Variants in CSMD3 observed in about 807,000 individuals in gnomAD.
The protein encoded by CSMD3 is CUB and sushi domain-containing protein 3.
Under a neutral mutation model 435.2 loss-of-function variants are expected in CSMD3, and 177 were observed. The ratio of observed to expected loss-of-function variants is 0.41; its 90% CI spans 0.36 to 0.46. The LOEUF (loss-of-function observed/expected upper bound fraction) is 0.46, where lower values mean the gene tolerates loss of function less well. Ranked by LOEUF, CSMD3 falls within the 20% of genes least tolerant of loss-of-function variation. CSMD3 has a pLI of 0.34. For missense variants in CSMD3, 4,265 were observed against 4,504.6 expected (o/e 0.95, Z 1.52); for synonymous variants, 1,656 against 1,520.5 (o/e 1.09, Z -2.07).
chr8:113,196,551 A>G (rs1453589659), intron 3 of CSMD3, among the ~76,000 whole-genome samples: 1 of 151,284 alleles, frequency 6.6e-6, no homozygotes, highest in African/African-American at 2.4e-5. Context: ...CACTTTCACA[A>G]AAGTTAAAGA....
At chr8:112,574,306 G>A (rs988073780) in intron 23 of CSMD3, among the ~76,000 whole-genome samples, 2 of 151,806 alleles carry the variant, frequency 1.3e-5, no homozygotes, top group African/African-American at 2.4e-5. Context: ...CATCTCTTCA[G>A]GTCAGTAATA....
intron 38 of CSMD3, among the ~76,000 whole-genome samples, chr8:112,356,226 T>A (rs1445371983): frequency 2.0e-5 from 3 of 152,134 alleles, no homozygotes; most frequent in African/African-American, 7.2e-5. Context: ...ACACATGCAC[T>A]CGTATGTTTA....
chr8:113,310,779 A>T (rs527757934), intron 2 of CSMD3: 144 of 151,980 alleles, frequency 9.5e-4, no homozygotes, highest in African/African-American at 3.3e-3. Flanking sequence ...TTCTACCAAG[A>T]ACCAATCTAA....
intron 4 of CSMD3, among the ~76,000 whole-genome samples, chr8:113,142,985 T>C (rs1340351622): frequency 6.6e-6 from 1 of 150,562 alleles, no homozygotes; most frequent in African/African-American, 2.4e-5. Context: ...ATCTTCAAAA[T>C]GAGTCACTGA....
chr8:112,244,190 C>T (rs182339187), intron 65 of CSMD3, among the ~76,000 whole-genome samples: 1 of 152,212 alleles, frequency 6.6e-6, no homozygotes, highest in Non-Finnish European at 1.5e-5. Context: ...CAAGAAGTAA[C>T]ATTCTCATGG....
chr8:112,689,833 A>T, intron 14 of CSMD3, 35 bp downstream of exon 14: 1 of 1,577,390 alleles, frequency 6.3e-7, no homozygotes, highest in South Asian at 1.1e-5. Flanking sequence ...ACAGGGTAAC[A>T]TATGCTATCT....
intron 14 of CSMD3, among the ~76,000 whole-genome samples, chr8:112,686,032 T>C (rs527523614): frequency 6.6e-6 from 1 of 152,256 alleles, no homozygotes; most frequent in South Asian, 2.1e-4. Flanking sequence ...TTTCAGTGTT[T>C]AAAAAGTGAA....
rs536479171 is a variant in CSMD3 at position 113,136,079 on chromosome 8, T to C, written c.710-37116A>G. Among the ~76,000 whole-genome samples, 26 of 151,908 alleles carry C rather than the reference T, an allele frequency of 1.7e-4. No homozygotes were observed. In the South Asian group the frequency reaches 5.4e-3, roughly 32 times the overall value. On this transcript the variant is annotated intron_variant, in intron 4 of 70. Transcript: ENST00000297405. ...AGTATGGGAGAAAGACATTTGACCA[T>C]ATTACGTATCATATAAGCACTGTGA... is the stretch of plus-strand genomic sequence containing the variant.
At chr8:112,557,112 G>A (rs760811073) in intron 24 of CSMD3, among the ~76,000 whole-genome samples, 158 bp from the exon 25 acceptor site, 1 of 151,732 alleles carries the variant, frequency 6.6e-6, no homozygotes. Flanking sequence ...CAACAACCAT[G>A]CAGACCTTTT....
intron 13 of CSMD3, among the ~76,000 whole-genome samples, chr8:112,734,552 C>T (rs954994213): frequency 6.6e-5 from 10 of 151,848 alleles, no homozygotes; most frequent in South Asian, 2.1e-4. Context: ...AATGATATAA[C>T]ATTAGTTCTT....
chr8:112,287,030 A>G, intron 58 of CSMD3, 34 bp downstream of exon 58: 1 of 1,543,090 alleles, frequency 6.5e-7, no homozygotes, highest in Non-Finnish European at 9.0e-7. Flanking sequence ...AAAATCCAGT[A>G]GTTGCAATAT....
At chr8:113,376,997 G>A in intron 1 of CSMD3, 5 of 1,135,122 alleles carry the variant, frequency 4.4e-6, no homozygotes, top group Non-Finnish European at 3.6e-6. Context: ...AGCCGGGCCC[G>A]CAGCCACATC....
chr8:112,660,969 T>C (rs979230445), intron 17 of CSMD3, among the ~76,000 whole-genome samples: 1 of 152,092 alleles, frequency 6.6e-6, no homozygotes, highest in African/African-American at 2.4e-5. Context: ...GTGATGTCCA[T>C]GGGGAGAAGC....
intron 45 of CSMD3, among the ~76,000 whole-genome samples, chr8:112,328,104 T>C (rs557825675): frequency 6.6e-6 from 1 of 152,316 alleles, no homozygotes; most frequent in South Asian, 2.1e-4. Context: ...TAACGTTGCA[T>C]ATTCCCTTAT....
intron 49 of CSMD3, among the ~76,000 whole-genome samples, chr8:112,311,916 A>G (rs982174763): frequency 1.3e-5 from 2 of 152,132 alleles, no homozygotes; most frequent in Non-Finnish European, 2.9e-5. Context: ...TAGGATATAT[A>G]TGTCATAACC....
chr8:112,978,586 A>T (rs1023491946), intron 6 of CSMD3, among the ~76,000 whole-genome samples: 1 of 152,028 alleles, frequency 6.6e-6, no homozygotes, highest in African/African-American at 2.4e-5. Flanking sequence ...ACCAACGGTG[A>T]TGAAGATTCA....
At chr8:113,247,126 A>T (rs2093284000) in intron 3 of CSMD3, among the ~76,000 whole-genome samples, 1 of 152,216 alleles carries the variant, frequency 6.6e-6, no homozygotes, top group Non-Finnish European at 1.5e-5. Context: ...CATTCTCCAC[A>T]GGAGCTGTCT....
chr8:112,532,385 T>C (rs1227495387), intron 27 of CSMD3, among the ~76,000 whole-genome samples: 1 of 151,538 alleles, frequency 6.6e-6, no homozygotes, highest in Non-Finnish European at 1.5e-5. Context: ...CAAAGCAGAG[T>C]CAATCAAAAT....
chr8:113,278,749 C>T (rs778100241), intron 2 of CSMD3, 45 bp from the exon 3 acceptor site: 1 of 904,026 alleles, frequency 1.1e-6, no homozygotes, highest in South Asian at 1.3e-5. Context: ...ATCATTTTAT[C>T]TAAGAGTTTT....
Sources: allele counts gnomAD v4.1 joint callset (sites outside exome capture counted in the v4.1 genomes callset), GRCh38; gene constraint gnomAD v4.1.1; transcripts MANE v1.5; gene names NCBI Gene and HGNC (gene_info 2026-07-23, HGNC 2026-07-21).